The following THRB variants were observed in gnomAD, a reference collection of about 807,000 sequenced individuals.
The protein encoded by THRB is nuclear receptor subfamily 1 group A member 2.
A neutral mutation model predicts 47.8 loss-of-function variants in THRB; 12 were observed. The ratio of observed to expected loss-of-function variants is 0.25; its 90% CI spans 0.16 to 0.41. The LOEUF is 0.41. THRB is among the 10% of genes least tolerant of loss of function. The pLI, the probability that THRB is intolerant of heterozygous loss-of-function variation, is 1.00. For synonymous variants in THRB, 218 were observed against 212.2 expected (o/e 1.03, Z -0.24); for missense variants, 348 against 589.2 (o/e 0.59, Z 4.24).
chr3:24,174,491 T>C (rs1054969273), intron 5 of THRB, among the ~76,000 whole-genome samples: 4 of 152,188 alleles, frequency 2.6e-5, no homozygotes, highest in Admixed American at 6.5e-5. Flanking sequence ...GCTAGGGGAA[T>C]TGATTTTAAA....
At chr3:24,353,532 TGTGGTTTCTAGTTAC>T (rs780216338) in intron 1 of THRB, among the ~76,000 whole-genome samples, 8 of 152,170 alleles carry the variant, frequency 5.3e-5, no homozygotes, top group Non-Finnish European at 1.2e-4. Context: ...TCATTTTTCA[TGTGGTTTCTAGTTAC>T]TTTGTCACTT....
chr3:24,165,804 C>T (rs1176178666), intron 5 of THRB, among the ~76,000 whole-genome samples: 1 of 152,096 alleles, frequency 6.6e-6, no homozygotes, highest in Non-Finnish European at 1.5e-5. Context: ...AAAACGATTA[C>T]TCATTGTTAT....
chr3:24,215,033 T>A (rs756593345), intron 4 of THRB, among the ~76,000 whole-genome samples: 20 of 152,234 alleles, frequency 1.3e-4, no homozygotes, highest in Non-Finnish European at 2.4e-4. Flanking sequence ...TACAGATCCA[T>A]CATTCACTAG....
At chr3:24,206,996 A>G (rs1016621108) in intron 4 of THRB, among the ~76,000 whole-genome samples, 1 of 152,204 alleles carries the variant, frequency 6.6e-6, no homozygotes, top group East Asian at 1.9e-4. Context: ...AATTGAGGCA[A>G]TAATTAATAG....
intron 1 of THRB, among the ~76,000 whole-genome samples, chr3:24,401,575 G>A (rs1196311658): frequency 1.3e-5 from 2 of 152,034 alleles, no homozygotes; most frequent in Non-Finnish European, 2.9e-5. Flanking sequence ...CTGCTTCCAC[G>A]TCTATCAATA....
intron 1 of THRB, among the ~76,000 whole-genome samples, chr3:24,447,591 C>T (rs1271900696): frequency 6.6e-6 from 1 of 152,058 alleles, no homozygotes; most frequent in Non-Finnish European, 1.5e-5. Flanking sequence ...TAATCAGGGG[C>T]ACCATGACCC....
chr3:24,229,881 C>T (rs576858214), intron 3 of THRB, among the ~76,000 whole-genome samples: 23 of 152,288 alleles, frequency 1.5e-4, no homozygotes, highest in East Asian at 3.9e-4. Flanking sequence ...TGAGGTCCAA[C>T]GTTGTAATAT....
At chr3:24,187,022 A>G (rs1445244808) in intron 5 of THRB, among the ~76,000 whole-genome samples, 2 of 151,836 alleles carry the variant, frequency 1.3e-5, no homozygotes, top group African/African-American at 4.8e-5. Context: ...CCAAAACCCT[A>G]AAGAAACAAT....
At chr3:24,311,470 G>C (rs1236590430) in intron 2 of THRB, among the ~76,000 whole-genome samples, 2 of 152,012 alleles carry the variant, frequency 1.3e-5, no homozygotes, top group Non-Finnish European at 2.9e-5. Flanking sequence ...AATTTCCAGA[G>C]CCCATGCTAC....
chr3:24,482,538 C>CT (rs1696624544), intron 1 of THRB, among the ~76,000 whole-genome samples: 20 of 130,988 alleles, frequency 1.5e-4, no homozygotes, highest in African/African-American at 6.0e-4. Context: ...TTTCTGTCTC[C>CT]CTCTCTCTCT....
chr3:24,365,977 C>T (rs531218198), intron 1 of THRB, among the ~76,000 whole-genome samples: 17 of 152,206 alleles, frequency 1.1e-4, no homozygotes, highest in Non-Finnish European at 1.6e-4. Flanking sequence ...TCTAATCGGG[C>T]GTATTTTGAC....
intron 10 of THRB, among the ~76,000 whole-genome samples, chr3:24,126,404 A>G (rs2032816777): frequency 6.6e-6 from 1 of 152,098 alleles, no homozygotes; most frequent in Non-Finnish European, 1.5e-5. Context: ...AAAATTTCCT[A>G]CTGAGTTAAC....
chr3:24,147,559 G>C (rs1465490748), intron 6 of THRB, among the ~76,000 whole-genome samples: 1 of 152,188 alleles, frequency 6.6e-6, no homozygotes, highest in Non-Finnish European at 1.5e-5. Context: ...AGGCATGAGA[G>C]AGCACCTCTG....
chr3:24,280,205 G>T (rs1001247423), intron 3 of THRB, among the ~76,000 whole-genome samples: 3 of 152,198 alleles, frequency 2.0e-5, no homozygotes, highest in African/African-American at 7.2e-5. Context: ...AATTTGAAGA[G>T]AGCAGTGGTT....
intron 4 of THRB, among the ~76,000 whole-genome samples, chr3:24,192,630 T>A (rs2043485302): frequency 6.6e-6 from 1 of 152,134 alleles, no homozygotes; most frequent in Admixed American, 6.5e-5. Context: ...GGGGCTCCAC[T>A]CCAAGAGGAC....
At chr3:24,470,769 A>G (rs1415804852) in intron 1 of THRB, among the ~76,000 whole-genome samples, 1 of 152,154 alleles carries the variant, frequency 6.6e-6, no homozygotes, top group Non-Finnish European at 1.5e-5. Context: ...GGCACTTGCC[A>G]CCATGCCCGG....
At chr3:24,339,940 T>C (rs1028330327) in intron 1 of THRB, among the ~76,000 whole-genome samples, 6 of 152,338 alleles carry the variant, frequency 3.9e-5, no homozygotes, top group African/African-American at 1.2e-4. Flanking sequence ...AGTGTGGTTA[T>C]TTTGTAGTTT....
At chr3:24,367,027 T>C (rs1429477494) in intron 1 of THRB, among the ~76,000 whole-genome samples, 1 of 152,194 alleles carries the variant, frequency 6.6e-6, no homozygotes, top group East Asian at 1.9e-4. Context: ...ATAATGCTAA[T>C]CAACATTTGA....
intron 1 of THRB, among the ~76,000 whole-genome samples, chr3:24,344,358 A>T (rs886331186): frequency 2.6e-5 from 4 of 152,102 alleles, no homozygotes; most frequent in African/African-American, 9.7e-5. Flanking sequence ...ATTTGAAAAG[A>T]CATGTAATTT....
Sources: allele counts gnomAD v4.1 joint callset (sites outside exome capture counted in the v4.1 genomes callset), GRCh38; gene constraint gnomAD v4.1.1; transcripts MANE v1.5; gene names NCBI Gene and HGNC (gene_info 2026-07-23, HGNC 2026-07-21).